The following CCDC171 variants were observed in gnomAD, a reference collection of about 807,000 sequenced individuals.
CCDC171 encodes the protein coiled-coil domain containing 171.
A neutral mutation model predicts 168.2 loss-of-function variants in CCDC171; 177 were observed. The ratio of observed to expected loss-of-function variants is 1.05; its 90% CI spans 0.93 to 1.19. The LOEUF is 1.19. Among genes scored for constraint, CCDC171 ranks in the 50% most tolerant of loss-of-function variants. The pLI, the probability that CCDC171 is intolerant of heterozygous loss-of-function variation, is 0.00. For synonymous variants in CCDC171, 687 were observed against 540.8 expected, an observed-to-expected ratio of 1.27 and a Z score of -3.75; for missense variants, 1,991 against 1,539.0, an observed-to-expected ratio of 1.29 and a Z score of -4.91.
chr9:15,651,915 G>A (rs570795493), intron 7 of CCDC171, among the ~76,000 whole-genome samples: 1 of 152,048 alleles, frequency 6.6e-6, no homozygotes, highest in South Asian at 2.1e-4. Flanking sequence ...GAAGATTTTT[G>A]GATTTTTTTT....
chr9:15,823,824 A>G (rs2059900493), intron 21 of CCDC171, among the ~76,000 whole-genome samples: 3 of 152,124 alleles, frequency 2.0e-5, no homozygotes, highest in Middle Eastern at 3.2e-3. Context: ...GAAAGTTGAT[A>G]ATGTGATGTT....
intron 16 of CCDC171, among the ~76,000 whole-genome samples, chr9:15,743,358 G>A (rs1244186848): frequency 2.0e-5 from 3 of 151,590 alleles, no homozygotes; most frequent in African/African-American, 7.3e-5. Context: ...TATTTGTGGA[G>A]ATGGGGTCTT....
chr9:15,914,684 C>T (rs1258428454), intron 24 of CCDC171, among the ~76,000 whole-genome samples: 1 of 73,622 alleles, frequency 1.4e-5, no homozygotes, highest in East Asian at 5.5e-4. Context: ...TTCCAGGTGA[C>T]AATGGGGTAT....
intron 18 of CCDC171, among the ~76,000 whole-genome samples, chr9:15,770,249 T>C (rs1363386500): frequency 6.6e-6 from 1 of 152,206 alleles, no homozygotes; most frequent in Non-Finnish European, 1.5e-5. Flanking sequence ...AAAAGTTCAA[T>C]GTTCTTATTT....
At chr9:15,755,570 A>C (rs1203881954) in intron 18 of CCDC171, among the ~76,000 whole-genome samples, 1 of 152,208 alleles carries the variant, frequency 6.6e-6, no homozygotes, top group African/African-American at 2.4e-5. Flanking sequence ...GATGTCTATC[A>C]ACTGATTAAT....
At chr9:15,879,328 G>A (rs1404910565) in intron 24 of CCDC171, among the ~76,000 whole-genome samples, 3 of 151,776 alleles carry the variant, frequency 2.0e-5, no homozygotes, top group Non-Finnish European at 4.4e-5. Context: ...TGTAATAGTT[G>A]TACATGTTTT....
intron 2 of CCDC171, among the ~76,000 whole-genome samples, chr9:15,569,308 C>T (rs1345714349): frequency 2.0e-5 from 3 of 152,158 alleles, no homozygotes; most frequent in East Asian, 3.8e-4. Flanking sequence ...CTCTGCCTCT[C>T]CCTCACTAGC....
intron 3 of CCDC171, among the ~76,000 whole-genome samples, chr9:16,001,547 C>G (rs976955931): frequency 1.3e-5 from 2 of 152,084 alleles, no homozygotes; most frequent in African/African-American, 4.8e-5. Flanking sequence ...TTGTATTTTG[C>G]TATTCCAGTC....
intron 25 of CCDC171, among the ~76,000 whole-genome samples, chr9:15,952,743 A>G (rs546629811): frequency 6.6e-6 from 1 of 152,242 alleles, no homozygotes; most frequent in African/African-American, 2.4e-5. Flanking sequence ...TTTGATAGGG[A>G]GTGCATCGAC....
At chr9:15,834,380 A>G (rs1332461694) in intron 21 of CCDC171, among the ~76,000 whole-genome samples, 5 of 152,196 alleles carry the variant, frequency 3.3e-5, no homozygotes, top group Admixed American at 6.5e-5. Flanking sequence ...ATGTGGGGAT[A>G]TGTATTCTAA....
chr9:15,824,619 A>G (rs1383610071), intron 21 of CCDC171, among the ~76,000 whole-genome samples: 3 of 152,144 alleles, frequency 2.0e-5, no homozygotes, highest in Non-Finnish European at 4.4e-5. Context: ...GTAGTTAAAA[A>G]ACATCTTTTA....
At chr9:15,694,774 C>T (rs985866295) in intron 10 of CCDC171, among the ~76,000 whole-genome samples, 1 of 152,238 alleles carries the variant, frequency 6.6e-6, no homozygotes, top group Non-Finnish European at 1.5e-5. Flanking sequence ...CTTTCACTGT[C>T]AATACCCTAG....
At chr9:15,658,469 C>T (rs959069970) in intron 8 of CCDC171, among the ~76,000 whole-genome samples, 1 of 152,122 alleles carries the variant, frequency 6.6e-6, no homozygotes, top group Non-Finnish European at 1.5e-5. Context: ...ATAACAGTCC[C>T]TCAAAGATGT....
chr9:15,614,832 G>C (rs1587426087), intron 6 of CCDC171, among the ~76,000 whole-genome samples: 3 of 152,078 alleles, frequency 2.0e-5, no homozygotes, highest in African/African-American at 7.2e-5. Context: ...GGATTGTTTG[G>C]CTAGATATAA....
At chr9:15,908,614 C>G (rs57158144) in intron 24 of CCDC171, among the ~76,000 whole-genome samples, 3 of 152,086 alleles carry the variant, frequency 2.0e-5, no homozygotes, top group Admixed American at 1.3e-4. Context: ...ATGAACTAAC[C>G]TGCACGTTGT....
intron 7 of CCDC171, among the ~76,000 whole-genome samples, chr9:15,644,367 T>A (rs2046871746): frequency 6.6e-6 from 1 of 152,164 alleles, no homozygotes; most frequent in African/African-American, 2.4e-5. Context: ...ACTGGGTTCA[T>A]CTCACTGGGG....
At chr9:15,675,312 T>G (rs966353001) in intron 9 of CCDC171, among the ~76,000 whole-genome samples, 1 of 151,760 alleles carries the variant, frequency 6.6e-6, no homozygotes, top group South Asian at 2.1e-4. Flanking sequence ...CTGATGGGTC[T>G]TGACTCTTTA....
chr9:15,601,374 A>G (rs1587319991), intron 6 of CCDC171, among the ~76,000 whole-genome samples: 1 of 152,184 alleles, frequency 6.6e-6, no homozygotes, highest in African/African-American at 2.4e-5. Flanking sequence ...CAATGAAACC[A>G]CAGCTTTTCC....
At chr9:15,738,327 T>C (rs2054623220) in intron 16 of CCDC171, among the ~76,000 whole-genome samples, 1 of 152,218 alleles carries the variant, frequency 6.6e-6, no homozygotes, top group African/African-American at 2.4e-5. Context: ...TTCCACATTA[T>C]GGATGCACTT....
Sources: gnomAD v4.1 joint callset for allele counts (sites outside exome capture counted in the v4.1 genomes callset) on GRCh38, gnomAD v4.1.1 for gene constraint, MANE v1.5 for transcripts, NCBI Gene and HGNC (gene_info 2026-07-23, HGNC 2026-07-21) for gene names.